MEGF11: variants seen among roughly 807,000 people sequenced by gnomAD.
MEGF11 encodes multiple EGF like domains 11, also known as multiple epidermal growth factor-like domains protein 11.
In MEGF11, 126 loss-of-function variants were observed where a neutral mutation model predicts 146.6. That is an observed-to-expected ratio of 0.86 (90% CI 0.74 to 1.00). The LOEUF (loss-of-function observed/expected upper bound fraction) is 1.00, where lower values mean the gene tolerates loss of function less well. MEGF11 is among the 50% of genes least tolerant of loss of function. The probability of loss-of-function intolerance (pLI) is 0.00; values close to 1 mark genes in which losing one functional copy is unlikely to be tolerated. For missense variants in MEGF11, 1,509 were observed against 1,521.2 expected (o/e 0.99, Z 0.13); for synonymous variants, 532 against 583.4 (o/e 0.91, Z 1.27).
At chr15:65,928,119 A>G (rs911360378) in intron 13 of MEGF11, among the ~76,000 whole-genome samples, 1 of 152,144 alleles carries the variant, frequency 6.6e-6, no homozygotes, top group African/African-American at 2.4e-5. Flanking sequence ...TGGACTAAGG[A>G]GAAAGGCCCT....
At chr15:66,158,735 A>G (rs561052942) in intron 1 of MEGF11, among the ~76,000 whole-genome samples, 4 of 152,368 alleles carry the variant, frequency 2.6e-5, no homozygotes, top group Middle Eastern at 6.8e-3. Flanking sequence ...CATGGTAAAC[A>G]GCAGAAAAAT....
At chr15:66,139,680 C>T (rs766911635) in intron 1 of MEGF11, among the ~76,000 whole-genome samples, 44 of 151,776 alleles carry the variant, frequency 2.9e-4, no homozygotes. Context: ...TCTGGAGCAA[C>T]TGAAGCCTGT....
intron 10 of MEGF11, among the ~76,000 whole-genome samples, chr15:65,934,950 T>G (rs2079715850): frequency 6.6e-6 from 1 of 152,260 alleles, no homozygotes; most frequent in Non-Finnish European, 1.5e-5. Flanking sequence ...TTCCCTGAAT[T>G]CTGTGAACCT....
intron 3 of MEGF11, among the ~76,000 whole-genome samples, chr15:66,123,000 A>T (rs147259654): frequency 6.6e-6 from 1 of 151,890 alleles, no homozygotes; most frequent in African/African-American, 2.4e-5. Context: ...AGCCAGGATG[A>T]TCTCGTTCTC....
At chr15:66,007,322 A>G (rs1463243040) in intron 5 of MEGF11, among the ~76,000 whole-genome samples, 2 of 152,216 alleles carry the variant, frequency 1.3e-5, no homozygotes, top group African/African-American at 4.8e-5. Context: ...TTTATACCAC[A>G]TAGCATATTC....
intron 5 of MEGF11, among the ~76,000 whole-genome samples, chr15:65,990,771 T>C (rs766727991): frequency 2.0e-5 from 3 of 152,088 alleles, no homozygotes; most frequent in Non-Finnish European, 4.4e-5. Context: ...GGTAGGTAAA[T>C]GCTGGAGACT....
Position 66,150,823 on chromosome 15 carries a change from C to CGAGAGA in MEGF11, c.-8-22418_-8-22413dup, listed in dbSNP as rs66595752. 2.7e-3 allele frequency among the ~76,000 whole-genome samples: 283 copies of CGAGAGA among 104,314 alleles called. 3 individuals carry two copies. Among genetic ancestry groups the CGAGAGA allele is most frequent in the African/African-American group, 5.7e-3 (146 of 25,750 alleles). 68.4% of individuals were successfully genotyped at this position (104,314 alleles called of 152,430 possible). On this transcript the variant is annotated intron_variant, in intron 1 of 25. Coordinates refer to ENST00000395614, the MANE Select transcript of MEGF11 (RefSeq NM_001385028.1). ...CCTGGGCAATAGAGCAATGCCCTGT[C>CGAGAGA]GAGAGAGAGAGAGAGAGAGAGAGAG...
At chr15:65,946,404 T>G (rs1596883801) in intron 10 of MEGF11, among the ~76,000 whole-genome samples, 1 of 152,156 alleles carries the variant, frequency 6.6e-6, no homozygotes, top group African/African-American at 2.4e-5. Flanking sequence ...TTGGGGAGGA[T>G]GGGATCCAGC....
intron 1 of MEGF11, among the ~76,000 whole-genome samples, chr15:66,206,070 C>T (rs1439632464): frequency 6.6e-6 from 1 of 151,756 alleles, no homozygotes; most frequent in Non-Finnish European, 1.5e-5. Context: ...AACAAATGAA[C>T]GAAACAAAAA....
chr15:66,155,254 G>GGC (rs1555477149), intron 1 of MEGF11, among the ~76,000 whole-genome samples: 3 of 98,356 alleles, frequency 3.1e-5, no homozygotes, highest in African/African-American at 1.6e-4. Context: ...ACATGGTGAT[G>GGC]CCCCCCACCC....
chr15:66,246,758 C>A (rs2092301713), intron 1 of MEGF11, among the ~76,000 whole-genome samples: 1 of 152,086 alleles, frequency 6.6e-6, no homozygotes, highest in Admixed American at 6.6e-5. Context: ...CTGCAGTGAG[C>A]TAAGATTGCA....
chr15:66,167,645 CAAACAAACAAACA>C lies in MEGF11; in HGVS notation c.-8-39247_-8-39235del, dbSNP rs759687581. ...GGGCAATGAGAGCGAAATTCCGTCT[CAAACAAACAAACA>C]AAACAAACAAACAAACAAACAAACA... On this transcript the variant is annotated intron_variant, in intron 1 of 25. Transcript: ENST00000395614. Among the ~76,000 whole-genome samples, 106 of 144,136 alleles carry C rather than the reference CAAACAAACAAACA, an allele frequency of 7.4e-4. No individual in the cohort carries two copies. In the East Asian group the frequency reaches 0.012, roughly 17 times the overall value. 94.6% of individuals were successfully genotyped at this position (144,136 alleles called of 152,430 possible).
At chr15:66,140,415 G>A (rs969797828) in intron 1 of MEGF11, among the ~76,000 whole-genome samples, 1 of 142,924 alleles carries the variant, frequency 7.0e-6, no homozygotes, top group Non-Finnish European at 1.6e-5. Flanking sequence ...GCAGGGGCAG[G>A]TTTCCCGCCT....
At chr15:65,944,002 A>G (rs939163815) in intron 10 of MEGF11, among the ~76,000 whole-genome samples, 2 of 152,184 alleles carry the variant, frequency 1.3e-5, no homozygotes, top group African/African-American at 4.8e-5. Flanking sequence ...AGGGTCTTGC[A>G]GAGGCTAATA....
intron 1 of MEGF11, among the ~76,000 whole-genome samples, chr15:66,173,586 C>T (rs757422775): frequency 4.6e-5 from 7 of 152,170 alleles, no homozygotes; most frequent in Non-Finnish European, 8.8e-5. Context: ...CAAAGTGTGG[C>T]ATTACAGGTG....
intron 24 of MEGF11, among the ~76,000 whole-genome samples, chr15:65,899,442 A>C (rs1450003116): frequency 2.0e-5 from 3 of 152,202 alleles, no homozygotes; most frequent in African/African-American, 7.2e-5. Flanking sequence ...TCCTGGGCTT[A>C]AGTGATTCTC....
chr15:65,915,054 C>G (rs146217286), intron 19 of MEGF11, among the ~76,000 whole-genome samples: 1 of 152,324 alleles, frequency 6.6e-6, no homozygotes, highest in Non-Finnish European at 1.5e-5. Context: ...TTCAGAGTAA[C>G]CTTGTGTCAT....
At chr15:65,959,524 C>T (rs1489408037) in intron 9 of MEGF11, among the ~76,000 whole-genome samples, 1 of 152,156 alleles carries the variant, frequency 6.6e-6, no homozygotes, top group Non-Finnish European at 1.5e-5. Context: ...CAATCTGAGG[C>T]TACATATCAG....
intron 1 of MEGF11, among the ~76,000 whole-genome samples, chr15:66,200,049 C>G (rs2091112554): frequency 6.6e-6 from 1 of 152,226 alleles, no homozygotes; most frequent in South Asian, 2.1e-4. Flanking sequence ...ATATACAAAT[C>G]TGTATACGGT....
Sources: gnomAD v4.1 joint callset for allele counts (sites outside exome capture counted in the v4.1 genomes callset) on GRCh38, gnomAD v4.1.1 for gene constraint, MANE v1.5 for transcripts, NCBI Gene and HGNC (gene_info 2026-07-23, HGNC 2026-07-21) for gene names.